The following KIF6 variants were observed in gnomAD, a reference collection of about 807,000 sequenced individuals.
The protein encoded by KIF6 is kinesin family member 6.
A neutral mutation model predicts 112.7 loss-of-function variants in KIF6; 106 were observed. The observed-to-expected ratio is 0.94, with a 90% CI of 0.80 to 1.11. The LOEUF (loss-of-function observed/expected upper bound fraction) is 1.11. KIF6 is among the 50% of genes least tolerant of loss of function. The probability of loss-of-function intolerance (pLI) is 0.00; values close to 1 mark genes in which losing one functional copy is unlikely to be tolerated. For missense variants in KIF6, 929 were observed against 964.0 expected, an observed-to-expected ratio of 0.96 and a Z score of 0.48; for synonymous variants, 339 against 339.9, an observed-to-expected ratio of 1.00 and a Z score of 0.03.
At chr6:39,704,679 G>A (rs765514237) in intron 3 of KIF6, among the ~76,000 whole-genome samples, 2 of 152,090 alleles carry the variant, frequency 1.3e-5, no homozygotes, top group African/African-American at 4.8e-5. Context: ...AGGACATAGA[G>A]CTAATAAGTA....
chr6:39,470,743 A>T (rs1311280365), intron 13 of KIF6, among the ~76,000 whole-genome samples: 3 of 146,988 alleles, frequency 2.0e-5, no homozygotes, highest in Non-Finnish European at 4.6e-5. Context: ...GAGAAGTGTT[A>T]ACTCTGTCAG....
chr6:39,613,794 G>A (rs1167981942), intron 5 of KIF6, among the ~76,000 whole-genome samples: 1 of 152,036 alleles, frequency 6.6e-6, no homozygotes, highest in Non-Finnish European at 1.5e-5. Context: ...GAAAATTGAG[G>A]CATCTGTCAT....
At chr6:39,566,564 G>A (rs1350562287) in intron 10 of KIF6, among the ~76,000 whole-genome samples, 2 of 152,194 alleles carry the variant, frequency 1.3e-5, no homozygotes, top group African/African-American at 2.4e-5. Context: ...TTTTAGATAA[G>A]CAGTCTTATA....
chr6:39,678,272 T>C (rs923422592), intron 3 of KIF6, among the ~76,000 whole-genome samples: 16 of 152,086 alleles, frequency 1.1e-4, no homozygotes, highest in African/African-American at 3.9e-4. Flanking sequence ...GAACTAGAAA[T>C]ACCATTTGAC....
chr6:39,567,677 G>A (rs987785989), intron 10 of KIF6, among the ~76,000 whole-genome samples: 4 of 150,508 alleles, frequency 2.7e-5, no homozygotes, highest in Admixed American at 6.6e-5. Context: ...GCGCTATCTC[G>A]GCTCACTCCA....
At chr6:39,374,589 T>C (rs1040491703) in intron 16 of KIF6, among the ~76,000 whole-genome samples, 12 of 152,162 alleles carry the variant, frequency 7.9e-5, no homozygotes, top group African/African-American at 2.7e-4. Flanking sequence ...ATTTCTCTAA[T>C]GAAGACAAAC....
chr6:39,382,563 C>A (rs1767049310), intron 16 of KIF6, among the ~76,000 whole-genome samples: 1 of 152,066 alleles, frequency 6.6e-6, no homozygotes, highest in Non-Finnish European at 1.5e-5. Context: ...TCCAATCTGC[C>A]ATTGATGGGC....
chr6:39,490,322 A>T (rs1315883952), intron 13 of KIF6, among the ~76,000 whole-genome samples: 1 of 152,228 alleles, frequency 6.6e-6, no homozygotes. Flanking sequence ...ATCGTCAAGT[A>T]AGGGAAAATA....
chr6:39,549,830 T>G (rs9380879), intron 10 of KIF6, among the ~76,000 whole-genome samples: 6,609 of 152,296 alleles, frequency 0.043, 326 homozygotes, highest in East Asian at 0.27. Flanking sequence ...CGGCAAAGTG[T>G]TGTACTTATT....
At chr6:39,599,018 G>T (rs1227199430) in intron 6 of KIF6, among the ~76,000 whole-genome samples, 1 of 152,120 alleles carries the variant, frequency 6.6e-6, no homozygotes, top group Non-Finnish European at 1.5e-5. Flanking sequence ...GAAATGAAAG[G>T]CCAAGAAAGG....
chr6:39,369,934 G>A (rs765916837), intron 16 of KIF6, among the ~76,000 whole-genome samples: 7 of 152,254 alleles, frequency 4.6e-5, no homozygotes, highest in African/African-American at 9.6e-5. Flanking sequence ...AGCCTGGCTC[G>A]GTGATTTCTG....
At chr6:39,497,669 C>G (rs1000195919) in intron 13 of KIF6, among the ~76,000 whole-genome samples, 1 of 152,172 alleles carries the variant, frequency 6.6e-6, no homozygotes, top group Non-Finnish European at 1.5e-5. Flanking sequence ...GGGGCCAGAC[C>G]TCTAGGGACA....
intron 18 of KIF6, among the ~76,000 whole-genome samples, chr6:39,360,172 T>C (rs879558916): frequency 6.6e-6 from 1 of 152,228 alleles, no homozygotes; most frequent in Non-Finnish European, 1.5e-5. Flanking sequence ...CTTTTATCCC[T>C]AATTTTTCCA....
intron 15 of KIF6, 67 bp from the exon 16 acceptor site, chr6:39,385,739 G>T: frequency 1.1e-6 from 1 of 923,060 alleles, no homozygotes; most frequent in Non-Finnish European, 1.7e-6. Flanking sequence ...TGCCTCAGAA[G>T]CATGTGGCAA....
intron 3 of KIF6, among the ~76,000 whole-genome samples, 177 bp downstream of exon 3, chr6:39,714,515 G>C (rs1400514350): frequency 6.6e-6 from 1 of 152,112 alleles, no homozygotes; most frequent in African/African-American, 2.4e-5. Context: ...TTGAGACTCA[G>C]AATCTAAATC....
At chr6:39,579,215 T>C (rs527299898) in intron 9 of KIF6, among the ~76,000 whole-genome samples, 2 of 152,344 alleles carry the variant, frequency 1.3e-5, no homozygotes, top group South Asian at 4.1e-4. Context: ...TGTAAGTTCC[T>C]GTTTCCACAT....
rs1443982685 is a variant in KIF6, at chr6:39,342,594, G to GTTTTTTTTTT, written c.2428+1114_2428+1115insAAAAAAAAAA. Among the ~76,000 whole-genome samples, 5 of 124,310 alleles carry GTTTTTTTTTT rather than the reference G, an allele frequency of 4.0e-5. 1 individual carries two copies. The highest frequency in any genetic ancestry group is 1.3e-4 in the African/African-American group (3 of 22,826). 81.6% of individuals were successfully genotyped at this position (124,310 alleles called of 152,430 possible). A position where few individuals can be genotyped will look rare whatever the true frequency, so the allele number is the denominator to read the frequency against. The stretch of plus-strand genomic sequence containing the variant: ...GGGGACTTGGAGATCACTGAATCCA[G>GTTTTTTTTTT]TTTTTTATTTTTTTTTATTTTTTTT... On this transcript the variant is annotated intron_variant, in intron 22 of 22. Transcript: ENST00000287152. The surrounding 1 kb of genome is among the most constrained non-coding windows in gnomAD (Gnocchi z 4.7).
chr6:39,495,479 A>G (rs1348208123), intron 13 of KIF6, among the ~76,000 whole-genome samples: 1 of 152,136 alleles, frequency 6.6e-6, no homozygotes, highest in Admixed American at 6.5e-5. Context: ...TTGCCATCTT[A>G]ATATGTGGTC....
At chr6:39,578,903 T>C (rs1242496610) in intron 9 of KIF6, among the ~76,000 whole-genome samples, 3 of 152,246 alleles carry the variant, frequency 2.0e-5, no homozygotes, top group Non-Finnish European at 4.4e-5. Context: ...TAAGCTTATT[T>C]ACATTGCTTC....
Sources: allele counts gnomAD v4.1 joint callset (sites outside exome capture counted in the v4.1 genomes callset), GRCh38; gene constraint gnomAD v4.1.1; non-coding constraint Gnocchi (gnomAD v3.1); transcripts MANE v1.5; gene names NCBI Gene and HGNC (gene_info 2026-07-23, HGNC 2026-07-21).